The following PARPBP variants were observed in gnomAD, a reference collection of about 807,000 sequenced individuals.
PARPBP encodes PARP1 binding protein.
A neutral mutation model predicts 50.0 loss-of-function variants in PARPBP; 52 were observed. The ratio of observed to expected loss-of-function variants is 1.04; its 90% CI spans 0.83 to 1.31. PARPBP has a LOEUF of 1.31. Ranked by LOEUF, PARPBP falls within the 50% of genes most tolerant of loss-of-function variation. The pLI, the probability that PARPBP is intolerant of heterozygous loss-of-function variation, is 0.00. For missense variants in PARPBP, 697 were observed against 672.0 expected (o/e 1.04, Z -0.41); for synonymous variants, 244 against 232.1 (o/e 1.05, Z -0.47).
intron 2 of PARPBP, among the ~76,000 whole-genome samples, chr12:102,136,275 C>A (rs922262056): frequency 6.6e-6 from 1 of 152,086 alleles, no homozygotes; most frequent in Non-Finnish European, 1.5e-5. Context: ...AAGGGTTAAA[C>A]CTTGGTGACC....
At chr12:102,142,383 C>T (rs971983426) in intron 2 of PARPBP, among the ~76,000 whole-genome samples, 3 of 152,132 alleles carry the variant, frequency 2.0e-5, no homozygotes, top group Admixed American at 6.5e-5. Context: ...GTTAGCTAAT[C>T]GTCTAATCTT....
intron 2 of PARPBP, 96 bp from the exon 3 acceptor site, chr12:102,148,134 C>T (rs1885660067): frequency 9.1e-6 from 5 of 549,132 alleles, no homozygotes; most frequent in Non-Finnish European, 1.5e-5. Context: ...GTAGACTTTA[C>T]CAAAATTTAA....
chr12:102,181,056 T>C (rs1889781285), intron 8 of PARPBP, among the ~76,000 whole-genome samples: 1 of 152,204 alleles, frequency 6.6e-6, no homozygotes, highest in Admixed American at 6.5e-5. Flanking sequence ...GGTCTTCTCC[T>C]TTTTACCTTC....
intron 4 of PARPBP, among the ~76,000 whole-genome samples, chr12:102,155,595 G>GGGT (rs1555216748): frequency 4.8e-4 from 14 of 29,160 alleles, no homozygotes; most frequent in Admixed American, 1.5e-3. Flanking sequence ...AGAGCATGGT[G>GGGT]GGGGGGGGGG....
intron 2 of PARPBP, among the ~76,000 whole-genome samples, chr12:102,136,096 A>G (rs1227861717): frequency 2.0e-5 from 3 of 152,158 alleles, no homozygotes; most frequent in East Asian, 3.9e-4. Flanking sequence ...TGCTTTTTCA[A>G]CTGACCTTCC....
chr12:102,182,064 T>A (rs886701805), intron 8 of PARPBP, among the ~76,000 whole-genome samples: 4 of 152,182 alleles, frequency 2.6e-5, no homozygotes, highest in Non-Finnish European at 5.9e-5. Context: ...GACTTGTGAT[T>A]TACCTTCACA....
intron 6 of PARPBP, among the ~76,000 whole-genome samples, chr12:102,171,775 AGGAGAATGGCG>A (rs1888770148): frequency 6.6e-6 from 1 of 151,946 alleles, no homozygotes; most frequent in South Asian, 2.1e-4. Flanking sequence ...AGGCTGAGGC[AGGAGAATGGCG>A]TGAACCCGGG....
intron 2 of PARPBP, among the ~76,000 whole-genome samples, chr12:102,146,369 A>T (rs1242585771): frequency 2.6e-5 from 4 of 152,206 alleles, no homozygotes; most frequent in African/African-American, 9.7e-5. Context: ...CAAAACAGAG[A>T]TATAGATCAA....
intron 2 of PARPBP, among the ~76,000 whole-genome samples, chr12:102,144,763 C>A (rs894608147): frequency 6.6e-6 from 1 of 152,074 alleles, no homozygotes; most frequent in African/African-American, 2.4e-5. Flanking sequence ...CTCTAAATAA[C>A]TGGATTTATT....
At position 102,164,617 on chromosome 12, in the gene PARPBP, G is replaced by A; in HGVS notation, c.666+9G>A. Reference sequence around the variant, plus strand: ...AAATGTCTATCTTTTTGGTATGGTTGTGTGACATGTTCAAAATTAAGACTC... The same window carrying A: ...AAATGTCTATCTTTTTGGTATGGTTATGTGACATGTTCAAAATTAAGACTC... On this transcript the variant is annotated intron_variant, in intron 5 of 10. Coordinates refer to ENST00000327680, the MANE Select transcript of PARPBP (RefSeq NM_017915.5). 2 of 1,611,744 alleles carry A rather than the reference G, an allele frequency of 1.2e-6. No homozygotes were observed. The highest frequency in any genetic ancestry group is 1.7e-6 in the Non-Finnish European group (2 of 1,178,194).
Position 102,196,381 on chromosome 12 carries a change from G to T in PARPBP, c.*90G>T. Reference sequence around the variant, plus strand: ...TTTAAGAGATCAAGGTGTAAATTATGATGATTTATTATTTTGGTCTACAGT... The same window carrying T: ...TTTAAGAGATCAAGGTGTAAATTATTATGATTTATTATTTTGGTCTACAGT... On this transcript the variant is annotated 3_prime_UTR_variant, in exon 11 of 11. Transcript: ENST00000327680. 6 of 902,376 alleles carry T rather than the reference G, an allele frequency of 6.6e-6. No homozygotes were observed. The highest frequency in any genetic ancestry group is 1.0e-5 in the Non-Finnish European group (6 of 586,620). 55.9% of individuals were successfully genotyped at this position (902,376 alleles called of 1,614,324 possible).
chr12:102,180,686 A>G (rs2136905905), intron 8 of PARPBP, among the ~76,000 whole-genome samples: 1 of 152,070 alleles, frequency 6.6e-6, no homozygotes, highest in South Asian at 2.1e-4. Flanking sequence ...GCACCACTGC[A>G]CTCTCTCCTA....
chr12:102,187,765 TTGTGA>T (rs1890427062), intron 9 of PARPBP, among the ~76,000 whole-genome samples: 1 of 152,092 alleles, frequency 6.6e-6, no homozygotes. Flanking sequence ...CAGAATCAAG[TTGTGA>T]TGTGGAGACT....
intron 9 of PARPBP, among the ~76,000 whole-genome samples, chr12:102,194,066 AG>A (rs1156458058): frequency 6.6e-6 from 1 of 151,950 alleles, no homozygotes. Context: ...TTGTCATCCT[AG>A]GAAAACTTGC....
intron 9 of PARPBP, among the ~76,000 whole-genome samples, 163 bp downstream of exon 9, chr12:102,182,790 T>A (rs1889958740): frequency 6.6e-6 from 1 of 152,240 alleles, no homozygotes; most frequent in African/African-American, 2.4e-5. Context: ...ACAGAGACTT[T>A]CCTTTTATAC....
chr12:102,155,032 C>T (rs2139103428), intron 4 of PARPBP: 1 of 316,198 alleles, frequency 3.2e-6, no homozygotes. Flanking sequence ...CAATTGCTTG[C>T]CAATCAGAAA....
chr12:102,130,873 A>T (rs1008767853), intron 2 of PARPBP, among the ~76,000 whole-genome samples: 7 of 151,886 alleles, frequency 4.6e-5, no homozygotes, highest in Admixed American at 3.9e-4. Context: ...AAAAAACCTA[A>T]AAAAAAGAAG....
chr12:102,136,003 T>C (rs1193061995), intron 2 of PARPBP, among the ~76,000 whole-genome samples: 1 of 152,172 alleles, frequency 6.6e-6, no homozygotes, highest in Non-Finnish European at 1.5e-5. Flanking sequence ...ATCTTTACCT[T>C]GATGTCCCTG....
chr12:102,147,059 C>A (rs1236579897), intron 2 of PARPBP, among the ~76,000 whole-genome samples: 3 of 152,082 alleles, frequency 2.0e-5, no homozygotes, highest in Admixed American at 1.3e-4. Flanking sequence ...ATTAAAAAGT[C>A]AGGATACAAC....
Sources: gnomAD v4.1 joint callset for allele counts (sites outside exome capture counted in the v4.1 genomes callset) on GRCh38, gnomAD v4.1.1 for gene constraint, MANE v1.5 for transcripts, NCBI Gene and HGNC (gene_info 2026-07-23, HGNC 2026-07-21) for gene names.